Variants in EPHB1 observed in about 807,000 individuals in gnomAD.
The protein encoded by EPHB1 is EPH receptor B1.
In EPHB1, 30 loss-of-function variants were observed where a neutral mutation model predicts 94.4. The ratio of observed to expected loss-of-function variants is 0.32; its 90% CI spans 0.24 to 0.43. The LOEUF (loss-of-function observed/expected upper bound fraction) is 0.43. Ranked by LOEUF, EPHB1 falls within the 20% of genes least tolerant of loss-of-function variation. The probability of loss-of-function intolerance (pLI) is 1.00; values close to 1 mark genes in which losing one functional copy is unlikely to be tolerated. For missense variants in EPHB1, 1,055 were observed against 1,308.3 expected (o/e 0.81, Z 2.99); for synonymous variants, 522 against 489.1 (o/e 1.07, Z -0.89).
intron 12 of EPHB1, among the ~76,000 whole-genome samples, chr3:135,216,648 A>C (rs1943154244): frequency 6.8e-6 from 1 of 147,046 alleles, no homozygotes; most frequent in South Asian, 2.2e-4. Context: ...GCTTGAACCC[A>C]GGAGATAGAG....
At chr3:135,053,206 C>T (rs917094602) in intron 3 of EPHB1, among the ~76,000 whole-genome samples, 3 of 150,892 alleles carry the variant, frequency 2.0e-5, no homozygotes, top group African/African-American at 2.4e-5. Flanking sequence ...AGTCTCAACA[C>T]GTAGAAATGA....
At chr3:135,090,581 C>G (rs146376094) in intron 3 of EPHB1, among the ~76,000 whole-genome samples, 34 of 152,326 alleles carry the variant, frequency 2.2e-4, no homozygotes, top group Non-Finnish European at 4.7e-4. Context: ...ACTGAACAAA[C>G]CCCCCTGGCA....
intron 1 of EPHB1, among the ~76,000 whole-genome samples, chr3:134,924,821 T>C (rs1017100752): frequency 6.6e-6 from 1 of 152,372 alleles, no homozygotes. Context: ...ATATACTATA[T>C]GGTTCCATTT....
intron 2 of EPHB1, among the ~76,000 whole-genome samples, chr3:134,926,870 G>A (rs945108782): frequency 6.6e-6 from 1 of 152,180 alleles, no homozygotes; most frequent in African/African-American, 2.4e-5. Flanking sequence ...AGTTAAAATA[G>A]GATATGCAGA....
chr3:135,081,112 T>C (rs761015316), intron 3 of EPHB1, among the ~76,000 whole-genome samples: 4 of 151,828 alleles, frequency 2.6e-5, no homozygotes, highest in Non-Finnish European at 5.9e-5. Flanking sequence ...GGAGGGGAGG[T>C]GGAAGAAGGA....
chr3:135,190,352 T>C (rs781316450), intron 10 of EPHB1, among the ~76,000 whole-genome samples: 5 of 152,224 alleles, frequency 3.3e-5, no homozygotes, highest in Non-Finnish European at 5.9e-5. Context: ...CTGGCTTTTT[T>C]CTAAAAGAAA....
At chr3:134,934,788 G>C (rs1372236773) in intron 2 of EPHB1, among the ~76,000 whole-genome samples, 1 of 152,174 alleles carries the variant, frequency 6.6e-6, no homozygotes, top group Non-Finnish European at 1.5e-5. Context: ...TGGTTCACCA[G>C]ATCCTTACTG....
At chr3:135,160,708 C>A (rs1941481344) in intron 6 of EPHB1, among the ~76,000 whole-genome samples, 1 of 152,112 alleles carries the variant, frequency 6.6e-6, no homozygotes, top group Non-Finnish European at 1.5e-5. Context: ...GATTAGAGGC[C>A]ATGTTGGTAT....
chr3:135,165,206 A>G (rs1235228899), intron 7 of EPHB1, among the ~76,000 whole-genome samples: 1 of 152,232 alleles, frequency 6.6e-6, no homozygotes, highest in South Asian at 2.1e-4. Context: ...GACACCTATG[A>G]TAGAGCAGAC....
At chr3:134,829,660 G>A (rs2108292951) in intron 1 of EPHB1, among the ~76,000 whole-genome samples, 1 of 152,270 alleles carries the variant, frequency 6.6e-6, no homozygotes, top group South Asian at 2.1e-4. Flanking sequence ...AAAAAGGTAT[G>A]TTAAAATCTT....
At chr3:135,247,159 G>C (rs1011773685) in intron 13 of EPHB1, among the ~76,000 whole-genome samples, 18 of 152,196 alleles carry the variant, frequency 1.2e-4, no homozygotes, top group African/African-American at 4.3e-4. Flanking sequence ...ATTCAAACAA[G>C]CAAAGAGAAA....
At position 134,951,103 on chromosome 3, in the gene EPHB1, A is replaced by T. The variant is rs887438080; in HGVS notation, c.124-268A>T. Among the ~76,000 whole-genome samples, 2 of 152,222 alleles carry T rather than the reference A, an allele frequency of 1.3e-5. No homozygotes were observed. The highest frequency in any genetic ancestry group is 4.8e-5 in the African/African-American group (2 of 41,460). On this transcript the variant is annotated intron_variant, in intron 2 of 15. Transcript: ENST00000398015. This position sits in a 1 kb window ranked among gnomAD's most constrained non-coding sequence, Gnocchi z 4.5. ...ATGGATGTAATAAGCTAGTCACAGA[A>T]TGAGCATTATGGGTTAGGCGAGGGA... is the stretch of plus-strand genomic sequence containing the variant.
chr3:135,084,008 A>T lies in EPHB1; in HGVS notation c.806-22440A>T, dbSNP rs1386686373. 2.0e-5 allele frequency among the ~76,000 whole-genome samples: 3 copies of T among 152,246 alleles called. No individual in the cohort carries two copies. In the East Asian group the frequency reaches 5.8e-4, roughly 29 times the overall value. On this transcript the variant is annotated intron_variant, in intron 3 of 15. Coordinates refer to ENST00000398015, the MANE Select transcript of EPHB1 (RefSeq NM_004441.5). ...AAATCGCTACTGAGGCAGTGGGTAG[A>T]ATCTTTGTTGGAGTTGGCTCTCCCT...
At chr3:135,216,590 G>T (rs1943152324) in intron 12 of EPHB1, among the ~76,000 whole-genome samples, 1 of 151,858 alleles carries the variant, frequency 6.6e-6, no homozygotes, top group African/African-American at 2.4e-5. Flanking sequence ...AAGTGTACTG[G>T]CACTCGCCTG....
intron 1 of EPHB1, among the ~76,000 whole-genome samples, chr3:134,832,593 T>C (rs1318476314): frequency 6.6e-6 from 1 of 152,234 alleles, no homozygotes; most frequent in East Asian, 1.9e-4. Context: ...ACTGAAAACC[T>C]TAAATACCTG....
chr3:134,890,964 C>T (rs2037968310), intron 1 of EPHB1, among the ~76,000 whole-genome samples: 1 of 152,150 alleles, frequency 6.6e-6, no homozygotes, highest in African/African-American at 2.4e-5. Context: ...TTGGCTTTGT[C>T]ACATGTATGA....
chr3:134,817,656 G>C (rs1003318256), intron 1 of EPHB1, among the ~76,000 whole-genome samples: 2 of 152,270 alleles, frequency 1.3e-5, no homozygotes, highest in Admixed American at 1.3e-4. Context: ...TGGGGATGAT[G>C]TGGTCCAACC....
chr3:134,893,117 C>T (rs987172902), intron 1 of EPHB1, among the ~76,000 whole-genome samples: 17 of 152,266 alleles, frequency 1.1e-4, no homozygotes, highest in African/African-American at 3.6e-4. Flanking sequence ...CAGTACGGTC[C>T]ACCTCCCTGT....
chr3:135,177,366 C>T (rs1559862730), intron 9 of EPHB1, among the ~76,000 whole-genome samples: 1 of 152,300 alleles, frequency 6.6e-6, no homozygotes, highest in East Asian at 1.9e-4. Context: ...TGCTGCCAGT[C>T]GCACATCAGC....
Sources: allele counts gnomAD v4.1 joint callset (sites outside exome capture counted in the v4.1 genomes callset), GRCh38; gene constraint gnomAD v4.1.1; non-coding constraint Gnocchi (gnomAD v3.1); transcripts MANE v1.5; gene names NCBI Gene and HGNC (gene_info 2026-07-23, HGNC 2026-07-21).